NTRK2: variants seen among roughly 807,000 people sequenced by gnomAD.
NTRK2 encodes the protein BDNF/NT-3 growth factors receptor.
A neutral mutation model predicts 94.5 loss-of-function variants in NTRK2; 13 were observed. That is an observed-to-expected ratio of 0.14 (90% CI 0.09 to 0.22). NTRK2 has a LOEUF of 0.22. Ranked by LOEUF, NTRK2 falls within the 10% of genes least tolerant of loss-of-function variation. NTRK2 has a pLI of 1.00. For missense variants in NTRK2, 639 were observed against 1,071.2 expected (o/e 0.60, Z 5.63); for synonymous variants, 372 against 407.4 (o/e 0.91, Z 1.05).
chr9:84,702,061 G>A (rs1023124402), intron 2 of NTRK2, 98 bp from the exon 3 acceptor site: 6 of 1,034,004 alleles, frequency 5.8e-6, no homozygotes, highest in Non-Finnish European at 9.0e-6. Flanking sequence ...TGGTGTGGAG[G>A]GAGCACCTTG....
At chr9:84,968,593 TA>T (rs976128660) in intron 17 of NTRK2, among the ~76,000 whole-genome samples, 2 of 152,136 alleles carry the variant, frequency 1.3e-5, no homozygotes, top group Admixed American at 6.5e-5. Context: ...CCAAGGAACA[TA>T]GGCAGGCAGA....
rs146495553 is a variant in NTRK2 at position 84,840,747 on chromosome 9, T to C, written c.1397-20293T>C. 7.1e-3 allele frequency among the ~76,000 whole-genome samples: 1,085 copies of C among 152,246 alleles called. 11 individuals carry two copies. The highest frequency in any genetic ancestry group is 0.025 in the African/African-American group (1,032 of 41,530). On this transcript the variant is annotated intron_variant, in intron 12 of 18. Coordinates refer to ENST00000277120, the MANE Select transcript of NTRK2 (RefSeq NM_006180.6). Reference sequence around the variant, plus strand: ...TCCAACAACCTTCTCTCGAAAGGGTTCTTTCTTTCTCCAATTCCTCTCTTT... The same window carrying C: ...TCCAACAACCTTCTCTCGAAAGGGTCCTTTCTTTCTCCAATTCCTCTCTTT...
At chr9:84,982,519 C>G (rs1827756221) in intron 17 of NTRK2, among the ~76,000 whole-genome samples, 1 of 152,198 alleles carries the variant, frequency 6.6e-6, no homozygotes. Context: ...CTAAGTGCCT[C>G]TCTCTTCTAT....
intron 17 of NTRK2, among the ~76,000 whole-genome samples, chr9:85,004,264 T>C (rs186357215): frequency 5.1e-4 from 77 of 152,134 alleles, no homozygotes; most frequent in African/African-American, 1.8e-3. Context: ...GTTCTTAAGT[T>C]GAAAATAAAT....
chr9:84,758,510 G>A (rs2065269457), intron 12 of NTRK2, among the ~76,000 whole-genome samples: 1 of 151,990 alleles, frequency 6.6e-6, no homozygotes, highest in Non-Finnish European at 1.5e-5. Flanking sequence ...TCCTGTCTTA[G>A]CCTCCTGAGT....
At chr9:84,851,689 G>A (rs1022451157) in intron 12 of NTRK2, among the ~76,000 whole-genome samples, 1 of 152,138 alleles carries the variant, frequency 6.6e-6, no homozygotes, top group African/African-American at 2.4e-5. Context: ...AGGTCACCAT[G>A]GTTCCCAGAT....
chr9:84,862,289 G>C (rs78133191), intron 13 of NTRK2, among the ~76,000 whole-genome samples: 7,208 of 152,258 alleles, frequency 0.047, 230 homozygotes, highest in African/African-American at 0.096. Flanking sequence ...ATCCTGCCTG[G>C]GCAGTCTTAA....
intron 14 of NTRK2, among the ~76,000 whole-genome samples, chr9:84,920,036 A>C (rs1326905054): frequency 2.6e-5 from 4 of 152,042 alleles, no homozygotes; most frequent in Non-Finnish European, 2.9e-5. Flanking sequence ...TTCAGTCTCC[A>C]CTTTATCACC....
intron 13 of NTRK2, 69 bp from the exon 14 acceptor site, chr9:84,867,174 T>C: frequency 6.8e-7 from 1 of 1,478,428 alleles, no homozygotes; most frequent in Non-Finnish European, 9.4e-7. Context: ...GGGTAAATTT[T>C]ATGTATGTGA....
intron 17 of NTRK2, among the ~76,000 whole-genome samples, chr9:85,016,045 C>T (rs1334309894): frequency 1.3e-5 from 2 of 152,188 alleles, no homozygotes; most frequent in Non-Finnish European, 2.9e-5. Flanking sequence ...TAGAGCATAA[C>T]TGTTGGGTTC....
intron 14 of NTRK2, among the ~76,000 whole-genome samples, chr9:84,924,229 T>TGGAAAGAAAGAAAGAA (rs1418865491): frequency 8.7e-6 from 1 of 115,578 alleles, no homozygotes; most frequent in African/African-American, 3.4e-5. Flanking sequence ...AGAAAGAAAG[T>TGGAAAGAAAGAAAGAA]AGAAAGAAAG....
chr9:84,876,881 G>A, intron 14 of NTRK2: 1 of 1,062,790 alleles, frequency 9.4e-7, no homozygotes, highest in Non-Finnish European at 1.1e-6. Context: ...GTTCTGGGTT[G>A]ATGGCAAAAT....
intron 12 of NTRK2, among the ~76,000 whole-genome samples, chr9:84,835,138 C>T (rs1223875491): frequency 2.6e-5 from 4 of 152,132 alleles, no homozygotes; most frequent in East Asian, 1.9e-4. Context: ...CAAATCCAGA[C>T]GTTTTATCTG....
chr9:84,741,985 G>A, intron 10 of NTRK2, 58 bp downstream of exon 10: 1 of 1,426,588 alleles, frequency 7.0e-7, no homozygotes, highest in Non-Finnish European at 9.8e-7. Flanking sequence ...GTATCATGAA[G>A]TAAATCAACT....
intron 13 of NTRK2, among the ~76,000 whole-genome samples, chr9:84,865,529 G>A (rs1254749747): frequency 6.6e-6 from 1 of 152,184 alleles, no homozygotes; most frequent in Non-Finnish European, 1.5e-5. Context: ...AAGACTGGAT[G>A]ACAAAACAAC....
intron 9 of NTRK2, among the ~76,000 whole-genome samples, chr9:84,734,509 G>T (rs2063115113): frequency 6.6e-6 from 1 of 152,132 alleles, no homozygotes; most frequent in Non-Finnish European, 1.5e-5. Context: ...GATATGATTT[G>T]GCTATGTCCC....
intron 14 of NTRK2, among the ~76,000 whole-genome samples, chr9:84,922,480 G>C (rs2077598812): frequency 6.6e-6 from 1 of 152,148 alleles, no homozygotes; most frequent in Admixed American, 6.5e-5. Flanking sequence ...CTCTCTGTTA[G>C]ACTCTCCATC....
chr9:84,732,239 T>C (rs2062942213), intron 9 of NTRK2, among the ~76,000 whole-genome samples: 1 of 152,198 alleles, frequency 6.6e-6, no homozygotes, highest in East Asian at 1.9e-4. Context: ...TAAAATCGAT[T>C]CAGTATGAGA....
chr9:84,737,786 C>T (rs1417307490), intron 9 of NTRK2, among the ~76,000 whole-genome samples: 2 of 148,120 alleles, frequency 1.4e-5, no homozygotes, highest in African/African-American at 5.3e-5. Context: ...TTCAGCCTTC[C>T]CCCCCATCCG....
Sources: gnomAD v4.1 joint callset for allele counts (sites outside exome capture counted in the v4.1 genomes callset) on GRCh38, gnomAD v4.1.1 for gene constraint, MANE v1.5 for transcripts, NCBI Gene and HGNC (gene_info 2026-07-23, HGNC 2026-07-21) for gene names.